SLC24A2: variants seen among roughly 807,000 people sequenced by gnomAD.
SLC24A2 encodes sodium/potassium/calcium exchanger 2.
SLC24A2 carries 36 observed loss-of-function variants against 62.0 expected under a neutral mutation model. The ratio of observed to expected loss-of-function variants is 0.58; its 90% CI spans 0.44 to 0.77. SLC24A2 has a LOEUF of 0.77. Among genes scored for constraint, SLC24A2 ranks in the 30% least tolerant of loss-of-function variants. The probability of loss-of-function intolerance (pLI) is 0.00; values close to 1 mark genes in which losing one functional copy is unlikely to be tolerated. For synonymous variants in SLC24A2, 358 were observed against 294.0 expected, an observed-to-expected ratio of 1.22 and a Z score of -2.23; for missense variants, 846 against 817.9, an observed-to-expected ratio of 1.03 and a Z score of -0.42.
At chr9:20,024,817 T>A in the SLC24A2 span, among the ~76,000 whole-genome samples, 2 of 152,124 alleles carry the variant, frequency 1.3e-5, no homozygotes, top group African/African-American at 2.4e-5. Context: ...GCATGAAGCA[T>A]CTGAGCCTAA....
At chr9:20,059,129 A>C in the SLC24A2 span, among the ~76,000 whole-genome samples, 1 of 152,186 alleles carries the variant, frequency 6.6e-6, no homozygotes, top group Non-Finnish European at 1.5e-5. Flanking sequence ...TTAAAAGGTA[A>C]AAAGGGACTT....
chr9:20,281,079 G>C, the SLC24A2 span, among the ~76,000 whole-genome samples: 4 of 151,994 alleles, frequency 2.6e-5, no homozygotes, highest in Admixed American at 1.3e-4. Flanking sequence ...ACAGGCATGA[G>C]ACACCATGCC....
At chr9:19,684,042 G>T (rs1316618124) in intron 2 of SLC24A2, among the ~76,000 whole-genome samples, 4 of 152,178 alleles carry the variant, frequency 2.6e-5, no homozygotes, top group Non-Finnish European at 5.9e-5. Flanking sequence ...TCACTGGATT[G>T]AAAGAAAATC....
chr9:19,512,366 T>A lies in SLC24A2; in HGVS notation c.*3787A>T, dbSNP rs1407458208. 1 of 152,262 alleles carries A rather than the reference T, an allele frequency of 6.6e-6. No individual in the cohort carries two copies. Among genetic ancestry groups the A allele is most frequent in the Non-Finnish European group, 1.5e-5 (1 of 68,056 alleles). 9.4% of individuals were successfully genotyped at this position (152,262 alleles called of 1,614,324 possible). A position where few individuals can be genotyped will look rare whatever the true frequency, so the allele number is the denominator to read the frequency against. On this transcript the variant is annotated 3_prime_UTR_variant, in exon 11 of 11. Transcript: ENST00000341998. ...TGAATATAAAACAGTCTCCGCCTCT[T>A]TTTATAATCTTCTGGGCAAGGCTTT...
the SLC24A2 span, among the ~76,000 whole-genome samples, chr9:20,256,136 T>C: frequency 6.6e-6 from 1 of 152,376 alleles, no homozygotes; most frequent in Admixed American, 6.5e-5. Context: ...ACTGCCCTCA[T>C]GGCCTGATCA....
chr9:19,828,892 A>G, the SLC24A2 span, among the ~76,000 whole-genome samples: 3 of 152,080 alleles, frequency 2.0e-5, no homozygotes, highest in Non-Finnish European at 4.4e-5. Context: ...CTCCATCCCA[A>G]CATCCTATTT....
chr9:19,890,757 C>T, the SLC24A2 span, among the ~76,000 whole-genome samples: 633 of 152,178 alleles, frequency 4.2e-3, 2 homozygotes, highest in Middle Eastern at 0.01. Flanking sequence ...GCAATCCTCC[C>T]GCCTCAGCCT....
chr9:20,247,426 AG>A, the SLC24A2 span, among the ~76,000 whole-genome samples: 2 of 152,112 alleles, frequency 1.3e-5, no homozygotes, highest in African/African-American at 4.8e-5. Context: ...TGGCATTAGG[AG>A]GTAGGGCCTT....
the SLC24A2 span, among the ~76,000 whole-genome samples, chr9:20,033,356 A>G: frequency 1.3e-5 from 2 of 152,218 alleles, no homozygotes; most frequent in Admixed American, 1.3e-4. Context: ...GAGACTTGCA[A>G]TGAAATACTT....
intron 2 of SLC24A2, among the ~76,000 whole-genome samples, chr9:19,636,310 T>TTTCCTTTCCTTTCCTTTCCTTTCCC (rs1213387858): frequency 2.9e-5 from 1 of 34,182 alleles, no homozygotes; most frequent in African/African-American, 1.3e-4. Flanking sequence ...TTTTCTTTTC[T>TTTCCTTTCCTTTCCTTTCCTTTCCC]TTTCTTTTCT....
intron 9 of SLC24A2, among the ~76,000 whole-genome samples, chr9:19,526,719 C>G (rs1179004155): frequency 6.6e-6 from 1 of 151,924 alleles, no homozygotes; most frequent in African/African-American, 2.4e-5. Context: ...TATTATGGAG[C>G]TTTAAGCTTG....
At chr9:19,736,257 G>C (rs769470309) in intron 2 of SLC24A2, among the ~76,000 whole-genome samples, 12 of 152,026 alleles carry the variant, frequency 7.9e-5, no homozygotes, top group Non-Finnish European at 1.8e-4. Context: ...AAAAAAAGGA[G>C]AGAAAAATAA....
chr9:19,985,330 A>G, the SLC24A2 span, among the ~76,000 whole-genome samples: 1 of 152,220 alleles, frequency 6.6e-6, no homozygotes, highest in African/African-American at 2.4e-5. Flanking sequence ...CAAACATTAG[A>G]AACAAAAGTC....
At chr9:19,761,530 G>A (rs779287233) in intron 2 of SLC24A2, among the ~76,000 whole-genome samples, 40 of 151,414 alleles carry the variant, frequency 2.6e-4, no homozygotes, top group Non-Finnish European at 4.9e-4. Flanking sequence ...TGTGCACAAC[G>A]TGCAGGTTTG....
chr9:20,131,876 T>A, the SLC24A2 span, among the ~76,000 whole-genome samples: 1 of 152,146 alleles, frequency 6.6e-6, no homozygotes, highest in African/African-American at 2.4e-5. Flanking sequence ...GCCAGGTTAA[T>A]CTGATGTATG....
At chr9:20,062,063 C>G in the SLC24A2 span, among the ~76,000 whole-genome samples, 1 of 151,954 alleles carries the variant, frequency 6.6e-6, no homozygotes, top group Non-Finnish European at 1.5e-5. Context: ...CAGCATCTCT[C>G]CAAAAAGAAA....
chr9:19,839,185 A>T, the SLC24A2 span, among the ~76,000 whole-genome samples: 4 of 152,232 alleles, frequency 2.6e-5, no homozygotes, highest in African/African-American at 9.6e-5. Flanking sequence ...TGAAAACCAC[A>T]ATGAGGTACC....
chr9:20,055,232 G>A, the SLC24A2 span, among the ~76,000 whole-genome samples: 1 of 151,980 alleles, frequency 6.6e-6, no homozygotes, highest in East Asian at 1.9e-4. Context: ...GTGCTCTCAT[G>A]GGAGCACAAA....
intron 4 of SLC24A2, among the ~76,000 whole-genome samples, chr9:19,617,943 C>T (rs1031675880): frequency 3.9e-5 from 6 of 152,054 alleles, no homozygotes; most frequent in Non-Finnish European, 7.4e-5. Context: ...TGCAGGCAAG[C>T]GATGGAGATG....
Sources: gnomAD v4.1 joint callset for allele counts (sites outside exome capture counted in the v4.1 genomes callset) on GRCh38, gnomAD v4.1.1 for gene constraint, MANE v1.5 for transcripts, NCBI Gene and HGNC (gene_info 2026-07-23, HGNC 2026-07-21) for gene names.